Variants in PIK3C2G observed in about 807,000 individuals in gnomAD.
PIK3C2G encodes phosphatidylinositol-4-phosphate 3-kinase catalytic subunit type 2 gamma, also known as phosphatidylinositol 3-kinase C2 domain-containing subunit gamma.
Under a neutral mutation model 181.1 loss-of-function variants are expected in PIK3C2G, and 168 were observed. The ratio of observed to expected loss-of-function variants is 0.93; its 90% CI spans 0.82 to 1.05. PIK3C2G has a LOEUF of 1.05. Among genes scored for constraint, PIK3C2G ranks in the 50% least tolerant of loss-of-function variants. The pLI is 0.00. For missense variants in PIK3C2G, 1,869 were observed against 1,732.8 expected (o/e 1.08, Z -1.40); for synonymous variants, 573 against 592.2 (o/e 0.97, Z 0.47).
chr12:18,589,828 A>G (rs1946981961), intron 29 of PIK3C2G, among the ~76,000 whole-genome samples: 1 of 152,018 alleles, frequency 6.6e-6, no homozygotes, highest in Admixed American at 6.6e-5. Flanking sequence ...CTTTCTTAAA[A>G]CAAACAGGAT....
chr12:18,725,389 C>T, the PIK3C2G span, among the ~76,000 whole-genome samples: 50 of 152,198 alleles, frequency 3.3e-4, no homozygotes, highest in Middle Eastern at 3.4e-3. Flanking sequence ...TAAGAGAAAA[C>T]TGAAGCACAA....
At chr12:18,685,846 G>GCACACACACA in the PIK3C2G span, among the ~76,000 whole-genome samples, 2 of 109,250 alleles carry the variant, frequency 1.8e-5, no homozygotes, top group African/African-American at 7.1e-5. Flanking sequence ...ACACACACGC[G>GCACACACACA]CACACACACA....
chr12:18,458,834 C>T (rs903480724), intron 18 of PIK3C2G, among the ~76,000 whole-genome samples: 36 of 151,308 alleles, frequency 2.4e-4, no homozygotes, highest in African/African-American at 8.5e-4. Context: ...TGAAAGTGGC[C>T]CCTGGCTGAC....
At chr12:18,607,901 G>A (rs1341661921) in intron 30 of PIK3C2G, among the ~76,000 whole-genome samples, 2 of 152,216 alleles carry the variant, frequency 1.3e-5, no homozygotes, top group South Asian at 2.1e-4. Flanking sequence ...ATATAAATAA[G>A]ACACTTCTCA....
intron 18 of PIK3C2G, among the ~76,000 whole-genome samples, chr12:18,467,066 ATTC>A (rs1937960526): frequency 6.6e-6 from 1 of 152,046 alleles, no homozygotes; most frequent in Non-Finnish European, 1.5e-5. Context: ...AGAAGAATAA[ATTC>A]TAAATAACTT....
intron 30 of PIK3C2G, among the ~76,000 whole-genome samples, chr12:18,606,655 A>G (rs1592701499): frequency 1.3e-5 from 2 of 152,242 alleles, no homozygotes; most frequent in East Asian, 1.9e-4. Flanking sequence ...TATATATTTG[A>G]AAATTATACT....
the PIK3C2G span, among the ~76,000 whole-genome samples, chr12:18,656,448 C>A: frequency 3.3e-5 from 5 of 152,226 alleles, no homozygotes; most frequent in Admixed American, 3.3e-4. Context: ...CGCCTGTAAT[C>A]CCAGCTACTT....
intron 5 of PIK3C2G, among the ~76,000 whole-genome samples, chr12:18,294,238 C>G (rs1460352122): frequency 6.6e-6 from 1 of 151,976 alleles, no homozygotes; most frequent in Non-Finnish European, 1.5e-5. Flanking sequence ...ATTTAAATGA[C>G]CTGTGACTAG....
chr12:18,414,126 G>C (rs997763858), intron 16 of PIK3C2G, among the ~76,000 whole-genome samples: 4 of 152,040 alleles, frequency 2.6e-5, no homozygotes, highest in Non-Finnish European at 5.9e-5. Context: ...AAATTTTAAG[G>C]CAACTAAAAA....
intron 31 of PIK3C2G, among the ~76,000 whole-genome samples, chr12:18,633,962 C>T (rs1205224449): frequency 6.6e-6 from 1 of 152,114 alleles, no homozygotes; most frequent in African/African-American, 2.4e-5. Flanking sequence ...TTCCCATTTC[C>T]ACCCCTTTAT....
chr12:18,438,276 C>T (rs1946551702), intron 18 of PIK3C2G, among the ~76,000 whole-genome samples: 1 of 151,780 alleles, frequency 6.6e-6, no homozygotes, highest in African/African-American at 2.4e-5. Flanking sequence ...ATTTCAAGAA[C>T]TGAATTGGTG....
At chr12:18,712,229 G>A in the PIK3C2G span, among the ~76,000 whole-genome samples, 261 of 152,144 alleles carry the variant, frequency 1.7e-3, 1 homozygote, top group East Asian at 0.036. Context: ...AATTAGCCAC[G>A]TTTATAAATG....
At position 18,538,165 on chromosome 12, in the gene PIK3C2G, T is replaced by G. The variant is rs2136239831; in HGVS notation, c.3333T>G (p.Ala1111=). 1 of 1,611,238 alleles carries G rather than the reference T, an allele frequency of 6.2e-7. No homozygotes were observed. The highest frequency in any genetic ancestry group is 1.1e-5 in the South Asian group (1 of 90,596). The part of the protein sequence containing the change: ...QTFGGIKRDR[A]PFIFTSEMEY... ...TGTTTTTGGTTTACAGGGACCGAGC[T>G]CCTTTCATTTTTACTTCAGAGATGG... The change falls in exon 25 of 33, where the codon GCT becomes GCG. Residue 1111 remains alanine (A), a synonymous_variant. Coordinates refer to ENST00000538779, the MANE Select transcript of PIK3C2G (RefSeq NM_001288772.2).
At chr12:18,339,704 A>G (rs1938940869) in intron 9 of PIK3C2G, among the ~76,000 whole-genome samples, 1 of 152,158 alleles carries the variant, frequency 6.6e-6, no homozygotes, top group African/African-American at 2.4e-5. Flanking sequence ...AAAATTCAGT[A>G]GTTTCTTAAT....
chr12:18,588,457 A>G (rs1946903985), intron 29 of PIK3C2G, among the ~76,000 whole-genome samples: 1 of 152,188 alleles, frequency 6.6e-6, no homozygotes, highest in African/African-American at 2.4e-5. Context: ...ACTTTTCAAA[A>G]GAAGACATAC....
At chr12:18,495,985 G>A (rs565232537) in intron 20 of PIK3C2G, 77 bp from the exon 21 acceptor site, 2 of 674,286 alleles carry the variant, frequency 3.0e-6, no homozygotes, top group South Asian at 4.3e-5. Context: ...CTATGATTTT[G>A]GGGAAAAGGT....
intron 24 of PIK3C2G, among the ~76,000 whole-genome samples, chr12:18,516,332 C>T (rs1216172798): frequency 6.6e-6 from 1 of 151,026 alleles, no homozygotes; most frequent in Non-Finnish European, 1.5e-5. Context: ...GGGTTTCTGC[C>T]GTGAAACCCA....
At chr12:18,428,303 C>A (rs1310332556) in intron 18 of PIK3C2G, among the ~76,000 whole-genome samples, 2 of 148,826 alleles carry the variant, frequency 1.3e-5, no homozygotes, top group African/African-American at 5.0e-5. Flanking sequence ...AAAAAATACT[C>A]AAAATATCTT....
chr12:18,350,446 G>A (rs1349749394), intron 11 of PIK3C2G, among the ~76,000 whole-genome samples: 2 of 152,108 alleles, frequency 1.3e-5, no homozygotes, highest in Non-Finnish European at 2.9e-5. Flanking sequence ...TGATTTGACA[G>A]TACTTTCAAT....
Sources: gnomAD v4.1 joint callset for allele counts (sites outside exome capture counted in the v4.1 genomes callset) on GRCh38, gnomAD v4.1.1 for gene constraint, MANE v1.5 for transcripts, NCBI Gene and HGNC (gene_info 2026-07-23, HGNC 2026-07-21) for gene names.